Variants in CLEC17A observed in about 807,000 individuals in gnomAD.
CLEC17A encodes the protein C-type lectin domain containing 17A, also known as C-type lectin domain family 17, member A.
CLEC17A carries 37 observed loss-of-function variants against 61.3 expected under a neutral mutation model. The ratio of observed to expected loss-of-function variants is 0.60; its 90% CI spans 0.46 to 0.79. The LOEUF is 0.79. Among genes scored for constraint, CLEC17A ranks in the 30% least tolerant of loss-of-function variants. The pLI, the probability that CLEC17A is intolerant of heterozygous loss-of-function variation, is 0.00. For missense variants in CLEC17A, 418 were observed against 464.7 expected, an observed-to-expected ratio of 0.90 and a Z score of 0.92; for synonymous variants, 168 against 164.9, an observed-to-expected ratio of 1.02 and a Z score of -0.14.
chr19:14,582,965 A>ATGTGTGTGTG, upstream of CLEC17A: 1 of 551,004 alleles, frequency 1.8e-6, no homozygotes, highest in Non-Finnish European at 3.3e-6. Context: ...CTCTGTGTGT[A>ATGTGTGTGTG]TGTGTGTGTG....
intron 13 of CLEC17A, 106 bp from the exon 14 acceptor site, chr19:14,609,957 GT>G: frequency 1.2e-6 from 1 of 814,192 alleles, no homozygotes. Context: ...CCTAATATGG[GT>G]TTTGCCAAAT....
chr19:14,583,009 GGTCT>G (rs2074201301), upstream of CLEC17A: 1 of 705,422 alleles, frequency 1.4e-6, no homozygotes, highest in Admixed American at 2.4e-5. Context: ...GCACGTGTGA[GGTCT>G]GAGGGCTTCC....
upstream of CLEC17A, among the ~76,000 whole-genome samples, chr19:14,582,027 C>A (rs1000156985): frequency 6.6e-6 from 1 of 152,154 alleles, no homozygotes; most frequent in Admixed American, 6.6e-5. Context: ...ATGGGCTGGG[C>A]CATGCTTCTT....
chr19:14,599,667 G>A (rs2074654754), intron 10 of CLEC17A, 50 bp from the exon 11 acceptor site: 2 of 1,321,844 alleles, frequency 1.5e-6, no homozygotes, highest in South Asian at 1.2e-5. Flanking sequence ...GTGGTGGATG[G>A]GTAGGATGGG....
In CLEC17A at chr19:14,587,775, C is replaced by T. The variant is rs144451112; in HGVS notation, c.199+84C>T. ...GCATTGGTTGGGCATTGTAGACACA[C>T]AGTCAGTCTCCTCTCTACACAGCCC... On this transcript the variant is annotated intron_variant, in intron 3 of 13. Transcript: ENST00000417570. 6.9e-4 allele frequency: 1,083 copies of T among 1,580,214 alleles called. 20 individuals carry two copies. In the East Asian group the frequency reaches 0.019, roughly 28 times the overall value.
chr19:14,583,844 C>G (rs903447365), intron 2 of CLEC17A, among the ~76,000 whole-genome samples: 10 of 152,012 alleles, frequency 6.6e-5, no homozygotes, highest in Non-Finnish European at 1.2e-4. Flanking sequence ...GTCTCCTCAC[C>G]TTTCTACCCA....
Position 14,607,054 on chromosome 19 carries a change from C to G in CLEC17A, c.956C>G (p.Ala319Gly). 1 of 1,354,534 alleles carries G rather than the reference C, an allele frequency of 7.4e-7. No homozygotes were observed. The highest frequency in any genetic ancestry group is 9.6e-7 in the Non-Finnish European group (1 of 1,046,068). The allele number at this position is 1,354,534 out of a possible 1,614,324, so 83.9% of individuals were successfully genotyped here. A position where few individuals can be genotyped will look rare whatever the true frequency, so the allele number is the denominator to read the frequency against. ...TACTGGCTGGGGCTGAATGACAGGG[C>G]CCAGGAAGGGGACTGGAGGTGGCTG... ...RVYWLGLNDR[A>G]QEGDWRWLDG... Residue 319 changes from alanine to glycine, a missense_variant, in exon 13 of 14, where the codon GCC becomes GGC. Ala to Gly is a moderately conservative substitution (Grantham distance 60, BLOSUM62 0). Transcript: ENST00000417570.
upstream of CLEC17A, among the ~76,000 whole-genome samples, chr19:14,582,735 G>A (rs2074197229): frequency 6.6e-6 from 1 of 152,036 alleles, no homozygotes; most frequent in Admixed American, 6.6e-5. Flanking sequence ...AGCCTCCTGA[G>A]TAGCTGGGAT....
At chr19:14,604,122 G>T (rs1047377746) in intron 12 of CLEC17A, among the ~76,000 whole-genome samples, 1 of 152,114 alleles carries the variant, frequency 6.6e-6, no homozygotes, top group African/African-American at 2.4e-5. Flanking sequence ...GGCCTTCTAA[G>T]CCTCCATCTA....
At chr19:14,588,509 G>A (rs2074342138) in intron 3 of CLEC17A, 1 of 151,884 alleles carries the variant, frequency 6.6e-6, no homozygotes, top group Admixed American at 6.6e-5. Flanking sequence ...TTGGGAGCAG[G>A]GACCACCAGG....
At chr19:14,597,198 T>C in intron 10 of CLEC17A, 37 bp downstream of exon 10, 1 of 1,567,868 alleles carries the variant, frequency 6.4e-7, no homozygotes, top group Non-Finnish European at 8.7e-7. Flanking sequence ...GCCACTCCTA[T>C]TGAGCCCTAA....
Position 14,594,700 on chromosome 19 carries a change from G to T in CLEC17A, c.361+18G>T. Reference sequence around the variant, plus strand: ...CATGACAGGTGAGAGCTGACAGTTGGAGTCTTCCTGCTCACCTGGCTGAAG... The same window carrying T: ...CATGACAGGTGAGAGCTGACAGTTGTAGTCTTCCTGCTCACCTGGCTGAAG... On this transcript the variant is annotated intron_variant, in intron 6 of 13. Coordinates refer to ENST00000417570, the MANE Select transcript of CLEC17A (RefSeq NM_001204118.2). 2 of 1,613,936 alleles carry T rather than the reference G, an allele frequency of 1.2e-6. No individual in the cohort carries two copies. Among genetic ancestry groups the T allele is most frequent in the Non-Finnish European group, 1.7e-6 (2 of 1,179,876 alleles).
At chr19:14,590,232 A>G (rs970478003) in intron 3 of CLEC17A, among the ~76,000 whole-genome samples, 2 of 151,570 alleles carry the variant, frequency 1.3e-5, no homozygotes, top group African/African-American at 4.9e-5. Context: ...TCCCCTTAAC[A>G]TCTTGTTACA....
At chr19:14,587,243 G>C (rs927971324) in intron 2 of CLEC17A, among the ~76,000 whole-genome samples, 2 of 149,600 alleles carry the variant, frequency 1.3e-5, no homozygotes, top group Admixed American at 6.6e-5. Context: ...ATGTGTGTGT[G>C]TGTGTGTGTG....
At chr19:14,607,430 C>A (rs898127792) in intron 13 of CLEC17A, among the ~76,000 whole-genome samples, 2 of 151,894 alleles carry the variant, frequency 1.3e-5, no homozygotes, top group East Asian at 3.9e-4. Context: ...GTCTTGATCT[C>A]CTGACCTCGT....
chr19:14,590,437 G>A (rs552037060), intron 3 of CLEC17A, among the ~76,000 whole-genome samples: 4 of 150,060 alleles, frequency 2.7e-5, no homozygotes, highest in East Asian at 2.0e-4. Context: ...TGCCCAGGCC[G>A]GAGTGCAATG....
chr19:14,601,004 G>T (rs2074700774), intron 12 of CLEC17A, among the ~76,000 whole-genome samples: 1 of 143,042 alleles, frequency 7.0e-6, no homozygotes, highest in Non-Finnish European at 1.5e-5. Flanking sequence ...CCGGGTTCAA[G>T]CAATTCTAGT....
At chr19:14,585,143 T>C (rs1413041854) in intron 2 of CLEC17A, among the ~76,000 whole-genome samples, 1 of 152,348 alleles carries the variant, frequency 6.6e-6, no homozygotes, top group South Asian at 2.1e-4. Context: ...TGTCTGCTCA[T>C]TAGTTTTTAT....
intron 12 of CLEC17A, among the ~76,000 whole-genome samples, chr19:14,600,739 G>A (rs1430365144): frequency 6.6e-6 from 1 of 151,078 alleles, no homozygotes; most frequent in African/African-American, 2.4e-5. Context: ...CCACCACCAC[G>A]CCCGGCTAAT....
Sources: gnomAD v4.1 joint callset for allele counts (sites outside exome capture counted in the v4.1 genomes callset) on GRCh38, gnomAD v4.1.1 for gene constraint, MANE v1.5 for transcripts, NCBI Gene and HGNC (gene_info 2026-07-23, HGNC 2026-07-21) for gene names.